GPC5: variants seen among roughly 807,000 people sequenced by gnomAD.
GPC5 encodes glypican 5, also known as glypican-5.
Under a neutral mutation model 53.9 loss-of-function variants are expected in GPC5, and 47 were observed. That is an observed-to-expected ratio of 0.87 (90% CI 0.69 to 1.11). The LOEUF (loss-of-function observed/expected upper bound fraction) is 1.11. Ranked by LOEUF, GPC5 falls within the 50% of genes most tolerant of loss-of-function variation. The probability of loss-of-function intolerance (pLI) is 0.00; values close to 1 mark genes in which losing one functional copy is unlikely to be tolerated. For missense variants in GPC5, 748 were observed against 713.1 expected, an observed-to-expected ratio of 1.05 and a Z score of -0.56; for synonymous variants, 286 against 263.3, an observed-to-expected ratio of 1.09 and a Z score of -0.84.
chr13:91,618,301 C>A (rs1201814724), intron 2 of GPC5, among the ~76,000 whole-genome samples: 1 of 152,086 alleles, frequency 6.6e-6, no homozygotes, highest in African/African-American at 2.4e-5. Flanking sequence ...ATTAGATTTT[C>A]TTTATATACA....
intron 7 of GPC5, among the ~76,000 whole-genome samples, chr13:92,173,774 A>G (rs1159930270): frequency 1.3e-5 from 2 of 152,196 alleles, no homozygotes; most frequent in African/African-American, 4.8e-5. Flanking sequence ...TTTTATTATT[A>G]TGAGCCAACA....
intron 7 of GPC5, among the ~76,000 whole-genome samples, chr13:92,813,415 A>T (rs1877363529): frequency 6.6e-6 from 1 of 151,918 alleles, no homozygotes; most frequent in Non-Finnish European, 1.5e-5. Context: ...CTTAAACCTC[A>T]TTGCTTTATA....
chr13:92,672,714 A>G (rs1373731847), intron 7 of GPC5, among the ~76,000 whole-genome samples: 1 of 152,204 alleles, frequency 6.6e-6, no homozygotes, highest in Non-Finnish European at 1.5e-5. Flanking sequence ...AAAAAGGAAC[A>G]GAGACCATGT....
intron 7 of GPC5, among the ~76,000 whole-genome samples, chr13:92,172,933 T>G (rs564044931): frequency 6.9e-6 from 1 of 145,208 alleles, no homozygotes; most frequent in African/African-American, 2.5e-5. Context: ...ATTAAAAAAT[T>G]TAGGCAATTA....
At chr13:92,371,214 T>C (rs2043647804) in intron 7 of GPC5, among the ~76,000 whole-genome samples, 1 of 152,190 alleles carries the variant, frequency 6.6e-6, no homozygotes, top group Non-Finnish European at 1.5e-5. Flanking sequence ...AAAAACTGTT[T>C]AGCATTTTGT....
At chr13:92,000,432 A>G (rs2040544210) in intron 6 of GPC5, among the ~76,000 whole-genome samples, 1 of 152,072 alleles carries the variant, frequency 6.6e-6, no homozygotes, top group Non-Finnish European at 1.5e-5. Flanking sequence ...ACTGGAGTAT[A>G]TTATATTATA....
At chr13:91,586,535 T>G (rs1308009756) in intron 2 of GPC5, among the ~76,000 whole-genome samples, 3 of 42,554 alleles carry the variant, frequency 7.0e-5, no homozygotes, top group African/African-American at 5.1e-4. Flanking sequence ...TATATATATA[T>G]ATATATATAT....
chr13:92,215,207 A>T (rs911179712), intron 7 of GPC5, among the ~76,000 whole-genome samples: 1 of 152,228 alleles, frequency 6.6e-6, no homozygotes. Flanking sequence ...ACAAAAACAG[A>T]AACTTCTTAT....
At chr13:92,399,514 G>C (rs944867465) in intron 7 of GPC5, among the ~76,000 whole-genome samples, 3 of 151,996 alleles carry the variant, frequency 2.0e-5, no homozygotes, top group African/African-American at 7.2e-5. Context: ...TTTACCCCCA[G>C]CCACCTCACG....
At position 92,358,483 on chromosome 13, in the gene GPC5, C is replaced by T. The variant is rs558659282; in HGVS notation, c.1561+213494C>T. Among the ~76,000 whole-genome samples, 14 of 151,796 alleles carry T rather than the reference C, an allele frequency of 9.2e-5. 1 individual carries two copies. Among genetic ancestry groups the T allele is most frequent in the African/African-American group, 2.4e-4 (10 of 41,098 alleles). ...AGTAGGCCGTGCCCCAGTGGGGACT[C>T]GGCATGGTGGCTCCAACCCCACATT... On this transcript the variant is annotated intron_variant, in intron 7 of 7. Transcript: ENST00000377067.
At chr13:91,890,134 C>T (rs1165257026) in intron 5 of GPC5, among the ~76,000 whole-genome samples, 1 of 152,106 alleles carries the variant, frequency 6.6e-6, no homozygotes, top group Non-Finnish European at 1.5e-5. Flanking sequence ...AGGGGTGGTG[C>T]CATTCCAAGG....
At chr13:92,751,303 TAAAAAAAAAAAAAAAAA>T (rs71123435) in intron 7 of GPC5, among the ~76,000 whole-genome samples, 3 of 38,766 alleles carry the variant, frequency 7.7e-5, no homozygotes, top group South Asian at 2.0e-3. Context: ...CAGAAACATT[TAAAAAAAAAAAAAAAAA>T]AAAAAAAAAA....
intron 2 of GPC5, among the ~76,000 whole-genome samples, chr13:91,664,416 C>G (rs149077902): frequency 6.6e-6 from 1 of 152,166 alleles, no homozygotes; most frequent in Non-Finnish European, 1.5e-5. Context: ...GTGGATTTGT[C>G]CCTTGTGTTT....
intron 7 of GPC5, among the ~76,000 whole-genome samples, chr13:92,648,300 G>A (rs1353902220): frequency 6.6e-6 from 1 of 151,902 alleles, no homozygotes; most frequent in Admixed American, 6.6e-5. Context: ...TTGTCAAGAG[G>A]CAACATGCTC....
At chr13:92,645,274 T>C (rs1026790397) in intron 7 of GPC5, among the ~76,000 whole-genome samples, 1 of 152,136 alleles carries the variant, frequency 6.6e-6, no homozygotes, top group Non-Finnish European at 1.5e-5. Context: ...GCCTCCCAAG[T>C]AGCTGGGACT....
At chr13:91,771,466 A>G (rs1476347328) in intron 5 of GPC5, among the ~76,000 whole-genome samples, 1 of 152,230 alleles carries the variant, frequency 6.6e-6, no homozygotes, top group Non-Finnish European at 1.5e-5. Flanking sequence ...ACAAAAGAGC[A>G]TGAATTGCAC....
chr13:92,184,064 G>A (rs2042165906), intron 7 of GPC5, among the ~76,000 whole-genome samples: 1 of 151,758 alleles, frequency 6.6e-6, no homozygotes, highest in Admixed American at 6.6e-5. Context: ...AAATTCATAT[G>A]GCTCTAATCC....
At chr13:91,443,048 C>T (rs1226271878) in intron 1 of GPC5, among the ~76,000 whole-genome samples, 1 of 152,142 alleles carries the variant, frequency 6.6e-6, no homozygotes, top group African/African-American at 2.4e-5. Flanking sequence ...TCAATACAGT[C>T]CCATGGATTT....
chr13:92,151,990 T>G (rs2041910672), intron 7 of GPC5, among the ~76,000 whole-genome samples: 1 of 152,124 alleles, frequency 6.6e-6, no homozygotes, highest in Admixed American at 6.5e-5. Context: ...TTTCAGCAAC[T>G]GACAATAGGG....
Sources: gnomAD v4.1 joint callset for allele counts (sites outside exome capture counted in the v4.1 genomes callset) on GRCh38, gnomAD v4.1.1 for gene constraint, MANE v1.5 for transcripts, NCBI Gene and HGNC (gene_info 2026-07-23, HGNC 2026-07-21) for gene names.